The following PCLO variants were observed in gnomAD, a reference collection of about 807,000 sequenced individuals.
PCLO encodes the protein piccolo presynaptic cytomatrix protein, also known as protein piccolo.
PCLO carries 82 observed loss-of-function variants against 427.5 expected under a neutral mutation model. The ratio of observed to expected loss-of-function variants is 0.19; its 90% CI spans 0.16 to 0.23. The LOEUF (loss-of-function observed/expected upper bound fraction) is 0.23. Ranked by LOEUF, PCLO falls within the 10% of genes least tolerant of loss-of-function variation. The probability of loss-of-function intolerance (pLI) is 1.00; values close to 1 mark genes in which losing one functional copy is unlikely to be tolerated. For missense variants in PCLO, 6,239 were observed against 6,115.9 expected, an observed-to-expected ratio of 1.02 and a Z score of -0.67; for synonymous variants, 2,357 against 2,155.4, an observed-to-expected ratio of 1.09 and a Z score of -2.59.
chr7:82,775,086 C>G (rs1215311180), intron 22 of PCLO, among the ~76,000 whole-genome samples: 7 of 152,056 alleles, frequency 4.6e-5, no homozygotes, highest in African/African-American at 1.7e-4. Flanking sequence ...CAGTATTGAA[C>G]AATATTCCAT....
In PCLO at chr7:82,916,173, G is replaced by C. The variant is rs774804182; in HGVS notation, c.11813C>G (p.Pro3938Arg). Reference protein sequence around the residue: ...FQAVATMSFTPQVQPTPTPQP... With the variant: ...FQAVATMSFTRQVQPTPTPQP... ...TGGGGTTGGTGTAGGTTGAACTTGA[G>C]GTGTGAAGGACATTGTTGCCACAGC... Residue 3938 changes from proline to arginine, a missense_variant, in exon 7 of 25, where the codon CCT becomes CGT. Transcript: ENST00000333891. The C allele has an allele frequency of 1.9e-6, 3 of 1,613,592 alleles. No homozygotes were observed. The East Asian group carries it at 6.7e-5, about 36-fold the overall frequency.
At chr7:82,845,601 C>T (rs1040424937) in intron 12 of PCLO, 116 bp from the exon 13 acceptor site, 6 of 683,840 alleles carry the variant, frequency 8.8e-6, no homozygotes, top group Non-Finnish European at 1.5e-5. Context: ...ATAAGCTAAA[C>T]TTTAAAAATG....
chr7:83,092,384 C>A (rs2116443605), intron 3 of PCLO, among the ~76,000 whole-genome samples: 1 of 119,944 alleles, frequency 8.3e-6, no homozygotes, highest in East Asian at 4.0e-4. Flanking sequence ...GAGTGAAGAC[C>A]CATGGACCCG....
intron 6 of PCLO, among the ~76,000 whole-genome samples, chr7:82,945,385 C>A (rs1462232451): frequency 6.7e-6 from 1 of 150,010 alleles, no homozygotes; most frequent in African/African-American, 2.5e-5. Context: ...TTTTATGGGT[C>A]GAATTTTGTC....
intron 6 of PCLO, among the ~76,000 whole-genome samples, chr7:82,948,314 C>T (rs116778549): frequency 0.011 from 1,595 of 150,692 alleles, 31 homozygotes; most frequent in African/African-American, 0.037. Context: ...AACGTAATAA[C>T]GCAATTCTAC....
rs562593679 is a variant in PCLO, at chr7:82,823,639, A to T, written c.14596+597T>A. Reference sequence around the variant, plus strand: ...ATTTGCATATTGCCAAACCCAATGTATGGCACTGTTATTTAAAAAATAATA... The same window carrying T: ...ATTTGCATATTGCCAAACCCAATGTTTGGCACTGTTATTTAAAAAATAATA... On this transcript the variant is annotated intron_variant, in intron 19 of 24. Transcript: ENST00000333891. 1.6e-4 allele frequency among the ~76,000 whole-genome samples: 24 copies of T among 152,310 alleles called. 1 individual carries two copies. The highest frequency in any genetic ancestry group is 4.4e-5 in the Non-Finnish European group (3 of 68,020).
chr7:82,982,205 C>T (rs1193408014), intron 3 of PCLO, among the ~76,000 whole-genome samples: 2 of 151,990 alleles, frequency 1.3e-5, no homozygotes, highest in Non-Finnish European at 2.9e-5. Flanking sequence ...TCACAGCAAC[C>T]CCAAGGCCTA....
chr7:83,001,083 T>C (rs779571262), intron 3 of PCLO, among the ~76,000 whole-genome samples: 6 of 152,040 alleles, frequency 3.9e-5, no homozygotes, highest in Non-Finnish European at 7.4e-5. Context: ...AATAATAATG[T>C]ATTTAGTAGG....
rs376313518 is a variant in PCLO, at chr7:83,138,949, C to T, written c.1894-3293G>A. ...ATGTAACACACCTGCACGTTCTGCA[C>T]ATGTATCCCAGAACTTAAAGTATAA... On this transcript the variant is annotated intron_variant, in intron 2 of 24. Coordinates refer to ENST00000333891, the MANE Select transcript of PCLO (RefSeq NM_033026.6). 6.6e-5 allele frequency among the ~76,000 whole-genome samples: 10 copies of T among 151,854 alleles called. 1 individual carries two copies. The highest frequency in any genetic ancestry group is 4.6e-4 in the Admixed American group (7 of 15,260).
At chr7:82,960,625 A>T (rs1325437268) in intron 4 of PCLO, among the ~76,000 whole-genome samples, 1 of 152,222 alleles carries the variant, frequency 6.6e-6, no homozygotes, top group Non-Finnish European at 1.5e-5. Context: ...CTAAAAATTT[A>T]AAAATGTGTA....
chr7:83,112,278 G>C (rs757342162), intron 3 of PCLO, among the ~76,000 whole-genome samples: 1 of 152,036 alleles, frequency 6.6e-6, no homozygotes, highest in Non-Finnish European at 1.5e-5. Context: ...GGCTGGTCTC[G>C]AACTCCTGAC....
intron 4 of PCLO, among the ~76,000 whole-genome samples, chr7:82,958,316 ATCCTTCCTTCCTTCT>A (rs1022908543): frequency 2.3e-4 from 33 of 145,536 alleles, no homozygotes; most frequent in Non-Finnish European, 2.9e-4. Context: ...TCCTTCCTTC[ATCCTTCCTTCCTTCT>A]TCCTTCCTTC....
intron 12 of PCLO, among the ~76,000 whole-genome samples, chr7:82,846,000 C>CA (rs34030586): frequency 0.41 from 62,219 of 151,720 alleles, 13,472 homozygotes; most frequent in East Asian, 0.69. Context: ...AAGTGCTCAA[C>CA]AAAATTTATT....
At chr7:82,827,769 T>G in intron 17 of PCLO, 104 bp downstream of exon 17, 1 of 602,234 alleles carries the variant, frequency 1.7e-6, no homozygotes, top group Non-Finnish European at 2.8e-6. Context: ...CAACTTTTTT[T>G]GTTTGATTGG....
chr7:82,872,424 T>A (rs550708862), intron 10 of PCLO, among the ~76,000 whole-genome samples: 1 of 151,140 alleles, frequency 6.6e-6, no homozygotes, highest in South Asian at 2.1e-4. Flanking sequence ...CACAACAGAG[T>A]TGATAAAAGG....
chr7:82,867,352 G>T (rs748258921), intron 10 of PCLO, among the ~76,000 whole-genome samples: 9 of 152,102 alleles, frequency 5.9e-5, no homozygotes, highest in Non-Finnish European at 1.0e-4. Flanking sequence ...TAACAATTTT[G>T]CCAACTATTA....
At chr7:82,779,644 CAAG>C (rs1212409473) in intron 22 of PCLO, among the ~76,000 whole-genome samples, 1 of 151,516 alleles carries the variant, frequency 6.6e-6, no homozygotes, top group Non-Finnish European at 1.5e-5. Context: ...TCTGATGTAA[CAAG>C]AAATCTAGAG....
intron 3 of PCLO, among the ~76,000 whole-genome samples, chr7:83,099,378 A>G (rs547237024): frequency 1.4e-4 from 18 of 128,398 alleles, no homozygotes; most frequent in Non-Finnish European, 2.6e-4. Flanking sequence ...TTTAACATAC[A>G]GTAGATTTTT....
intron 6 of PCLO, among the ~76,000 whole-genome samples, chr7:82,929,031 C>T (rs1794780662): frequency 6.6e-6 from 1 of 151,976 alleles, no homozygotes; most frequent in Non-Finnish European, 1.5e-5. Context: ...GAAGGTGAGA[C>T]TTCTGAGAAA....
Sources: gnomAD v4.1 joint callset for allele counts (sites outside exome capture counted in the v4.1 genomes callset) on GRCh38, gnomAD v4.1.1 for gene constraint, MANE v1.5 for transcripts, NCBI Gene and HGNC (gene_info 2026-07-23, HGNC 2026-07-21) for gene names.